The following NPAS2 variants were observed in gnomAD, a reference collection of about 807,000 sequenced individuals.
NPAS2 encodes the protein neuronal PAS domain-containing protein 2.
A neutral mutation model predicts 107.5 loss-of-function variants in NPAS2; 23 were observed. That is an observed-to-expected ratio of 0.21 (90% CI 0.15 to 0.30). NPAS2 has a LOEUF of 0.30. NPAS2 is among the 10% of genes least tolerant of loss of function. NPAS2 has a pLI of 1.00. For missense variants in NPAS2, 756 were observed against 1,043.3 expected (o/e 0.72, Z 3.79); for synonymous variants, 403 against 417.5 (o/e 0.97, Z 0.42).
chr2:100,958,988 A>G (rs1675743808), intron 7 of NPAS2, among the ~76,000 whole-genome samples: 1 of 150,228 alleles, frequency 6.7e-6, no homozygotes, highest in African/African-American at 2.4e-5. Flanking sequence ...CAGGCCAGGC[A>G]CGGTGGCTGA....
intron 1 of NPAS2, among the ~76,000 whole-genome samples, chr2:100,882,081 C>T (rs1316244296): frequency 6.6e-6 from 1 of 152,228 alleles, no homozygotes; most frequent in African/African-American, 2.4e-5. Context: ...TAGCTTTTCC[C>T]TTTCTTTTTT....
intron 1 of NPAS2, among the ~76,000 whole-genome samples, chr2:100,867,232 T>G (rs1490940837): frequency 6.6e-6 from 1 of 152,252 alleles, no homozygotes; most frequent in Non-Finnish European, 1.5e-5. Context: ...TTATTTATCC[T>G]AATTGTTGTG....
chr2:100,835,031 A>G (rs1280302068), intron 1 of NPAS2, among the ~76,000 whole-genome samples: 1 of 152,094 alleles, frequency 6.6e-6, no homozygotes, highest in African/African-American at 2.4e-5. Context: ...TCATTTTTCC[A>G]TAACAATTTA....
At chr2:100,890,315 C>T (rs966150093) in intron 1 of NPAS2, among the ~76,000 whole-genome samples, 1 of 152,204 alleles carries the variant, frequency 6.6e-6, no homozygotes, top group African/African-American at 2.4e-5. Context: ...GCCAAGGCCC[C>T]TCATCATCTC....
chr2:100,833,645 G>C (rs1291531344), intron 1 of NPAS2, among the ~76,000 whole-genome samples: 1 of 152,198 alleles, frequency 6.6e-6, no homozygotes, highest in East Asian at 1.9e-4. Flanking sequence ...CCATTTATAA[G>C]AGCAAAGTAC....
chr2:100,933,460 C>T (rs1684101459), intron 4 of NPAS2, among the ~76,000 whole-genome samples: 1 of 152,174 alleles, frequency 6.6e-6, no homozygotes, highest in Non-Finnish European at 1.5e-5. Flanking sequence ...TGAACTTGAA[C>T]TCATGTTACA....
intron 7 of NPAS2, 89 bp from the exon 8 acceptor site, chr2:100,963,969 G>C (rs560250747): frequency 7.8e-6 from 6 of 766,178 alleles, no homozygotes; most frequent in African/African-American, 6.9e-5. Flanking sequence ...TGGGGGCAGC[G>C]CTTGGCTTAC....
At chr2:100,880,721 T>C (rs141913289) in intron 1 of NPAS2, among the ~76,000 whole-genome samples, 6 of 152,274 alleles carry the variant, frequency 3.9e-5, no homozygotes, top group African/African-American at 9.6e-5. Context: ...CACCACTGAA[T>C]TGTACATTTT....
intron 12 of NPAS2, among the ~76,000 whole-genome samples, chr2:100,973,033 G>A (rs1676696971): frequency 6.6e-6 from 1 of 152,134 alleles, no homozygotes; most frequent in African/African-American, 2.4e-5. Context: ...ACAAAAATTA[G>A]CCGGGCATGG....
At chr2:100,852,314 G>A (rs867462632) in intron 1 of NPAS2, among the ~76,000 whole-genome samples, 32 of 152,214 alleles carry the variant, frequency 2.1e-4, no homozygotes, top group South Asian at 4.1e-4. Context: ...GGAGAATGGC[G>A]TGAACCCGGG....
chr2:100,858,761 C>T (rs1678743390), intron 1 of NPAS2, among the ~76,000 whole-genome samples: 1 of 152,118 alleles, frequency 6.6e-6, no homozygotes, highest in African/African-American at 2.4e-5. Context: ...TGAAAATAGT[C>T]CTAATTACTG....
intron 1 of NPAS2, chr2:100,822,704 A>G (rs1573393410): frequency 6.6e-6 from 1 of 152,202 alleles, no homozygotes; most frequent in Non-Finnish European, 1.5e-5. Context: ...TAAAACAAGC[A>G]TGTGTTTTGT....
chr2:100,856,248 C>T (rs1020949256), intron 1 of NPAS2, among the ~76,000 whole-genome samples: 2 of 152,230 alleles, frequency 1.3e-5, no homozygotes, highest in African/African-American at 4.8e-5. Flanking sequence ...TTAAGTGTCA[C>T]GTGTTTAATT....
At position 100,935,081 on chromosome 2, in the gene NPAS2, T is replaced by C. The variant is rs947386668; in HGVS notation, c.273+2080T>C. 66 of 982,498 alleles carry C rather than the reference T, an allele frequency of 6.7e-5. No individual in the cohort carries two copies. In the Admixed American group the frequency reaches 4.0e-3, roughly 60 times the overall value. The allele number at this position is 982,498 out of a possible 1,614,324, so 60.9% of individuals were successfully genotyped here. On this transcript the variant is annotated intron_variant, in intron 4 of 20. Coordinates refer to ENST00000335681, the MANE Select transcript of NPAS2 (RefSeq NM_002518.4). ...AGCTGTGAAGTTTGAAAAAACAAAA[T>C]TGACCTGGCTGAAAAAACAAAATTG...
In NPAS2 at chr2:100,847,912, G is replaced by A. The variant is rs144252445; in HGVS notation, c.-23+27498G>A. Reference sequence around the variant, plus strand: ...TTTCGTGGCCTCAAGAACCACTTTGGTTTCTACTGTGTTTGGGGAAGCTAC... The same window carrying A: ...TTTCGTGGCCTCAAGAACCACTTTGATTTCTACTGTGTTTGGGGAAGCTAC... On this transcript the variant is annotated intron_variant, in intron 1 of 20. Transcript: ENST00000335681. 2.0e-5 allele frequency among the ~76,000 whole-genome samples: 3 copies of A among 152,276 alleles called. No homozygotes were observed. In the East Asian group the frequency reaches 5.8e-4, roughly 29 times the overall value.
intron 1 of NPAS2, among the ~76,000 whole-genome samples, chr2:100,903,130 T>G (rs1401708588): frequency 6.6e-6 from 1 of 152,198 alleles, no homozygotes. Context: ...CCAGCCCTCC[T>G]GTGGACAAGC....
rs776305892 is a variant in NPAS2, at chr2:100,948,217, C to T, written c.364-18C>T. On this transcript the variant is annotated intron_variant, in intron 5 of 20. Transcript: ENST00000335681. The stretch of plus-strand genomic sequence containing the variant: ...TCTTCGTTGAGGGTGTACCTTTGTC[C>T]TTTATTTTCTTTTTCAGTCGGATGT... 3.1e-6 allele frequency: 5 copies of T among 1,609,768 alleles called. No homozygotes were observed. Among genetic ancestry groups the T allele is most frequent in the Middle Eastern group, 3.3e-4 (2 of 6,048 alleles).
At position 100,995,769 on chromosome 2, in the gene NPAS2, A is replaced by G. The variant is rs1678415541; in HGVS notation, c.*187A>G. The G allele has an allele frequency of 6.5e-7, 1 of 1,549,092 alleles. No individual in the cohort carries two copies. The highest frequency in any genetic ancestry group is 8.7e-7 in the Non-Finnish European group (1 of 1,146,704). ...TGCTGCAGTGGAAATGATCAGGAAT[A>G]CTGACCGTGTTTCTCTTGCCTCCGA... On this transcript the variant is annotated 3_prime_UTR_variant, in exon 21 of 21. Transcript: ENST00000335681.
chr2:100,922,321 T>A (rs935554081), intron 2 of NPAS2, among the ~76,000 whole-genome samples: 1 of 152,094 alleles, frequency 6.6e-6, no homozygotes, highest in African/African-American at 2.4e-5. Flanking sequence ...GGCTCATGCC[T>A]GTAATCCCAG....
Sources: allele counts gnomAD v4.1 joint callset (sites outside exome capture counted in the v4.1 genomes callset), GRCh38; gene constraint gnomAD v4.1.1; transcripts MANE v1.5; gene names NCBI Gene and HGNC (gene_info 2026-07-23, HGNC 2026-07-21).